TBC1D23: variants seen among roughly 807,000 people sequenced by gnomAD.
TBC1D23 encodes the protein HCV non-structural protein 4A-transactivated protein 1.
TBC1D23 carries 55 observed loss-of-function variants against 91.4 expected under a neutral mutation model. The ratio of observed to expected loss-of-function variants is 0.60; its 90% CI spans 0.48 to 0.75. The LOEUF (loss-of-function observed/expected upper bound fraction) is 0.75. TBC1D23 is among the 30% of genes least tolerant of loss of function. TBC1D23 has a pLI of 0.00. For missense variants in TBC1D23, 725 were observed against 836.1 expected (o/e 0.87, Z 1.64); for synonymous variants, 289 against 281.0 (o/e 1.03, Z -0.28).
intron 16 of TBC1D23, among the ~76,000 whole-genome samples, chr3:100,316,988 C>T (rs1004210031): frequency 4.0e-5 from 6 of 150,384 alleles, no homozygotes; most frequent in Admixed American, 6.7e-5. Context: ...GAAGCTGAGG[C>T]AAGAGAATCG....
intron 1 of TBC1D23, among the ~76,000 whole-genome samples, chr3:100,263,141 ATTTGGGT>A (rs1470904339): frequency 1.3e-5 from 2 of 152,146 alleles, no homozygotes; most frequent in African/African-American, 2.4e-5. Context: ...GTTTTATAGG[ATTTGGGT>A]AGATAAAGGA....
intron 10 of TBC1D23, among the ~76,000 whole-genome samples, chr3:100,300,499 T>A (rs1705404690): frequency 2.6e-5 from 1 of 37,754 alleles, no homozygotes; most frequent in East Asian, 1.1e-3. Flanking sequence ...CTTGAATTAA[T>A]TTTTTTTTTT....
chr3:100,303,890 G>C (rs962847253), intron 11 of TBC1D23, among the ~76,000 whole-genome samples: 4 of 151,894 alleles, frequency 2.6e-5, no homozygotes, highest in African/African-American at 9.7e-5. Context: ...TTCTTTATGT[G>C]GTTTTATACA....
chr3:100,270,308 T>G (rs112989556), intron 1 of TBC1D23, among the ~76,000 whole-genome samples: 6 of 152,258 alleles, frequency 3.9e-5, no homozygotes, highest in African/African-American at 1.4e-4. Flanking sequence ...CAGAGGAAAA[T>G]CTAAATGAGA....
At chr3:100,276,063 T>C (rs2067645819) in intron 1 of TBC1D23, among the ~76,000 whole-genome samples, 1 of 150,804 alleles carries the variant, frequency 6.6e-6, no homozygotes, top group Non-Finnish European at 1.5e-5. Flanking sequence ...ATGGGGTTTC[T>C]TTAAGTGCAG....
intron 14 of TBC1D23, among the ~76,000 whole-genome samples, chr3:100,311,133 G>A (rs557503487): frequency 2.6e-5 from 4 of 152,218 alleles, no homozygotes; most frequent in South Asian, 4.1e-4. Flanking sequence ...GTATAAGTCT[G>A]TTTGATCTTT....
intron 5 of TBC1D23, 40 bp downstream of exon 5, chr3:100,290,741 T>G: frequency 6.5e-7 from 1 of 1,537,476 alleles, no homozygotes; most frequent in Non-Finnish European, 8.8e-7. Context: ...GAAAAATAGA[T>G]TTATGTAAAG....
intron 13 of TBC1D23, among the ~76,000 whole-genome samples, chr3:100,309,593 A>G (rs1270710205): frequency 1.4e-5 from 2 of 141,442 alleles, no homozygotes; most frequent in African/African-American, 5.1e-5. Flanking sequence ...TATATCCTAA[A>G]TTTTTTATTC....
chr3:100,295,994 T>G (rs1474419250), intron 7 of TBC1D23, among the ~76,000 whole-genome samples, 178 bp from the exon 8 acceptor site: 1 of 152,204 alleles, frequency 6.6e-6, no homozygotes, highest in Non-Finnish European at 1.5e-5. Context: ...TGACAAGAGA[T>G]TTACATTAGC....
At chr3:100,295,232 AT>A (rs781360401) in intron 6 of TBC1D23, 21 bp downstream of exon 6, 47 of 1,594,616 alleles carry the variant, frequency 2.9e-5, no homozygotes, top group Non-Finnish European at 3.8e-5. Flanking sequence ...GGTTGGTTAG[AT>A]TTTTTTTCCT....
At chr3:100,297,745 A>C (rs1705329789) in intron 8 of TBC1D23, among the ~76,000 whole-genome samples, 178 bp from the exon 9 acceptor site, 1 of 151,432 alleles carries the variant, frequency 6.6e-6, no homozygotes, top group South Asian at 2.1e-4. Flanking sequence ...CAGGGACTTT[A>C]TGTGACATTT....
At position 100,261,034 on chromosome 3, in the gene TBC1D23, G is replaced by A. The variant is rs763952514; in HGVS notation, c.16G>A (p.Asp6Asn). 1.2e-6 allele frequency: 2 copies of A among 1,614,096 alleles called. No homozygotes were observed. The highest frequency in any genetic ancestry group is 2.7e-5 in the African/African-American group (2 of 75,082). Residue 6 changes from aspartate to asparagine, a missense_variant, in exon 1 of 19, where the codon GAT becomes AAT. Coordinates refer to ENST00000394144, the MANE Select transcript of TBC1D23 (RefSeq NM_001199198.3). MAEGE[D>N]VPPLPTSSGD... ...GTCAACAGCAATGGCGGAAGGAGAA[G>A]ATGTGCCGCCGCTGCCAACGTCGAG... is the stretch of plus-strand genomic sequence containing the variant.
At chr3:100,310,783 A>G (rs1705612400) in intron 14 of TBC1D23, among the ~76,000 whole-genome samples, 1 of 152,236 alleles carries the variant, frequency 6.6e-6, no homozygotes, top group Non-Finnish European at 1.5e-5. Context: ...GCCATTCACT[A>G]AAAGAAATTT....
chr3:100,312,838 AG>A (rs1436202593), intron 15 of TBC1D23, among the ~76,000 whole-genome samples: 1 of 152,076 alleles, frequency 6.6e-6, no homozygotes, highest in African/African-American at 2.4e-5. Context: ...AGCATTTTTA[AG>A]AATAATACTT....
rs896523292 is a variant in TBC1D23, at chr3:100,320,923, A to G, written c.1970A>G (p.Lys657Arg). 6.2e-7 allele frequency: 1 copy of G among 1,610,110 alleles called. No homozygotes were observed. The highest frequency in any genetic ancestry group is 8.5e-7 in the Non-Finnish European group (1 of 1,178,812). The change falls in exon 18 of 19, where the codon AAG becomes AGG. Residue 657 changes from lysine (K) to arginine (R), a missense_variant. Coordinates refer to ENST00000394144, the MANE Select transcript of TBC1D23 (RefSeq NM_001199198.3). Reference sequence around the variant, plus strand: ...AAACATCCTGAACTCATTACCTTCAAGTATGGAAATAGCAGTGCTTCAGGA... The same window carrying G: ...AAACATCCTGAACTCATTACCTTCAGGTATGGAAATAGCAGTGCTTCAGGA... Reference protein sequence around the residue: ...KKKHPELITFKYGNSSASGIE... With the variant: ...KKKHPELITFRYGNSSASGIE...
chr3:100,295,018 C>G (rs1040629266), intron 5 of TBC1D23, 69 bp from the exon 6 acceptor site: 1 of 1,409,332 alleles, frequency 7.1e-7, no homozygotes, highest in Admixed American at 2.5e-5. Flanking sequence ...TATTCATTTG[C>G]TTTAATACTT....
chr3:100,295,770 G>A (rs1252493207), intron 7 of TBC1D23, among the ~76,000 whole-genome samples: 1 of 152,016 alleles, frequency 6.6e-6, no homozygotes, highest in Non-Finnish European at 1.5e-5. Context: ...CTGGCACTTT[G>A]TTCTATCTGT....
intron 5 of TBC1D23, among the ~76,000 whole-genome samples, chr3:100,293,486 A>C (rs1246676698): frequency 6.6e-6 from 1 of 152,186 alleles, no homozygotes; most frequent in East Asian, 1.9e-4. Context: ...GAGTTTTTTA[A>C]GTATCATGAG....
At chr3:100,302,261 G>A (rs758096527) in intron 11 of TBC1D23, 24 bp downstream of exon 11, 7 of 1,578,862 alleles carry the variant, frequency 4.4e-6, no homozygotes, top group South Asian at 1.2e-5. Flanking sequence ...AATTATTTCA[G>A]TTTTGTTTGG....
Sources: gnomAD v4.1 joint callset for allele counts (sites outside exome capture counted in the v4.1 genomes callset) on GRCh38, gnomAD v4.1.1 for gene constraint, MANE v1.5 for transcripts, NCBI Gene and HGNC (gene_info 2026-07-23, HGNC 2026-07-21) for gene names.